FAM120B: variants seen among roughly 807,000 people sequenced by gnomAD.
The protein encoded by FAM120B is family with sequence similarity 120 member B.
In FAM120B, 83 loss-of-function variants were observed where a neutral mutation model predicts 96.3. The observed-to-expected ratio is 0.86, with a 90% CI of 0.72 to 1.03. The LOEUF is 1.03. Ranked by LOEUF, FAM120B falls within the 50% of genes least tolerant of loss-of-function variation. The pLI, the probability that FAM120B is intolerant of heterozygous loss-of-function variation, is 0.00. For missense variants in FAM120B, 1,027 were observed against 1,121.2 expected, an observed-to-expected ratio of 0.92 and a Z score of 1.20; for synonymous variants, 407 against 402.7, an observed-to-expected ratio of 1.01 and a Z score of -0.13.
chr6:170,390,783 T>C (rs1228105244), intron 7 of FAM120B, among the ~76,000 whole-genome samples: 1 of 152,198 alleles, frequency 6.6e-6, no homozygotes, highest in African/African-American at 2.4e-5. Context: ...TTGGTGTTCT[T>C]TTTCTGGGGG....
chr6:170,386,852 C>G (rs1391192025), intron 6 of FAM120B, among the ~76,000 whole-genome samples: 4 of 152,158 alleles, frequency 2.6e-5, no homozygotes, highest in Non-Finnish European at 5.9e-5. Context: ...AAACAAAATA[C>G]TAACAAATCA....
At chr6:170,347,114 C>T (rs1360849212) in intron 4 of FAM120B, among the ~76,000 whole-genome samples, 1 of 152,054 alleles carries the variant, frequency 6.6e-6, no homozygotes, top group African/African-American at 2.4e-5. Context: ...TCAGTGCTAT[C>T]GTGGGAAACA....
chr6:170,314,109 C>T (rs1024362342), intron 1 of FAM120B, among the ~76,000 whole-genome samples: 4 of 152,222 alleles, frequency 2.6e-5, no homozygotes, highest in African/African-American at 9.6e-5. Context: ...TTACTGGTAA[C>T]TCAATACCCT....
Position 170,361,239 on chromosome 6 carries a change from C to T in FAM120B, c.2283+2921C>T, listed in dbSNP as rs1367576524. ...ATATATATATATATATATATATACACGTATATATATATATACGTGTATATA... is the reference window on the plus strand; with the variant it reads ...ATATATATATATATATATATATACATGTATATATATATATACGTGTATATA... On this transcript the variant is annotated intron_variant, in intron 6 of 10. Coordinates refer to ENST00000476287, the MANE Select transcript of FAM120B (RefSeq NM_032448.3). Among the ~76,000 whole-genome samples, 101 of 58,590 alleles carry T rather than the reference C, an allele frequency of 1.7e-3. 2 individuals are homozygous for T. Among genetic ancestry groups the T allele is most frequent in the East Asian group, 0.01 (12 of 1,198 alleles). The allele number at this position is 58,590 out of a possible 152,430, so 38.4% of individuals were successfully genotyped here.
chr6:170,375,202 A>T (rs1789434889), intron 6 of FAM120B, among the ~76,000 whole-genome samples: 1 of 152,238 alleles, frequency 6.6e-6, no homozygotes, highest in Admixed American at 6.5e-5. Context: ...GTGTGTCAGC[A>T]CAGAGTTCCG....
At chr6:170,300,023 G>C (rs1784107089) in intron 1 of FAM120B, among the ~76,000 whole-genome samples, 1 of 152,168 alleles carries the variant, frequency 6.6e-6, no homozygotes, top group African/African-American at 2.4e-5. Context: ...TCTCTATGTA[G>C]AAATCAGTAT....
chr6:170,325,535 T>TAAA (rs5881868), intron 3 of FAM120B, among the ~76,000 whole-genome samples: 5 of 139,182 alleles, frequency 3.6e-5, no homozygotes, highest in Non-Finnish European at 3.1e-5. Context: ...GATTTACCTT[T>TAAA]AAAAAAAAAA....
intron 1 of FAM120B, among the ~76,000 whole-genome samples, chr6:170,296,428 T>C (rs1486682289): frequency 6.6e-6 from 1 of 151,610 alleles, no homozygotes; most frequent in Non-Finnish European, 1.5e-5. Flanking sequence ...CGGCGGGTCA[T>C]CCCTGGGCCA....
At chr6:170,358,121 T>A (rs1267293885) in intron 5 of FAM120B, 105 bp from the exon 6 acceptor site, 1 of 944,692 alleles carries the variant, frequency 1.1e-6, no homozygotes, top group Admixed American at 2.2e-5. Context: ...TGTGTGTGCA[T>A]GTTTGCGCCT....
At chr6:170,302,311 G>A (rs1006026096), upstream of FAM120B, among the ~76,000 whole-genome samples, 3 of 152,132 alleles carry the variant, frequency 2.0e-5, no homozygotes, top group Admixed American at 2.0e-4. Context: ...TCACTATCAA[G>A]AGAACAGCAT....
Position 170,405,515 on chromosome 6 carries a change from C to T in FAM120B, c.*764C>T, listed in dbSNP as rs1000827917. ...ATTCACAATGGCGAGCAAGTTAAAA[C>T]GGATTTCCCATTTAATTTAATTTTC... On this transcript the variant is annotated 3_prime_UTR_variant, in exon 11 of 11. Coordinates refer to ENST00000476287, the MANE Select transcript of FAM120B (RefSeq NM_032448.3). 5 of 152,186 alleles carry T rather than the reference C, an allele frequency of 3.3e-5. No individual in the cohort carries two copies. The highest frequency in any genetic ancestry group is 7.3e-5 in the Non-Finnish European group (5 of 68,032). The allele number at this position is 152,186 out of a possible 1,614,324, so 9.4% of individuals were successfully genotyped here. A position where few individuals can be genotyped will look rare whatever the true frequency, so the allele number is the denominator to read the frequency against.
intron 4 of FAM120B, chr6:170,330,774 G>C (rs533183464): frequency 5.6e-6 from 3 of 539,174 alleles, no homozygotes; most frequent in Admixed American, 3.4e-5. Flanking sequence ...GCGGTGCTCT[G>C]CCTCTTTCTC....
At chr6:170,367,446 CA>C (rs1186902346) in intron 6 of FAM120B, among the ~76,000 whole-genome samples, 1 of 152,264 alleles carries the variant, frequency 6.6e-6, no homozygotes, top group African/African-American at 2.4e-5. Flanking sequence ...CAGTCATTTG[CA>C]GCTGCCTTTG....
chr6:170,311,253 C>T (rs753283455), intron 1 of FAM120B, among the ~76,000 whole-genome samples: 2 of 152,204 alleles, frequency 1.3e-5, no homozygotes, highest in Non-Finnish European at 2.9e-5. Context: ...TTGGGTGAAG[C>T]GTAGACATTT....
At chr6:170,354,768 GAAA>G (rs59093113) in intron 5 of FAM120B, among the ~76,000 whole-genome samples, 1 of 146,904 alleles carries the variant, frequency 6.8e-6, no homozygotes, top group Non-Finnish European at 1.5e-5. Flanking sequence ...CAAAAAAAAA[GAAA>G]AAAAAAAATT....
chr6:170,386,683 C>A (rs541037412), intron 6 of FAM120B, among the ~76,000 whole-genome samples: 7 of 152,204 alleles, frequency 4.6e-5, no homozygotes, highest in Admixed American at 1.3e-4. Flanking sequence ...AAGGAGGAAC[C>A]AGCAGCTGTG....
rs764033288 is a variant in FAM120B, at chr6:170,318,051, G to A, written c.661G>A (p.Asp221Asn). Residue 221 changes from aspartate to asparagine, a missense_variant, in exon 2 of 11, where the codon GAC (aspartate) becomes AAC (asparagine). Around this residue, in one of 3 missense-constraint regions of FAM120B, gnomAD observed 880 missense variants for 980.9 expected, o/e 0.90. Coordinates refer to ENST00000476287, the MANE Select transcript of FAM120B (RefSeq NM_032448.3). Reference protein sequence around the residue: ...LCESLGLCVADLPLLACLLGN... With the variant: ...LCESLGLCVANLPLLACLLGN... ...TGAGAGTCTGGGCCTCTGTGTGGCCGACCTTCCTCTTCTGGCCTGCCTCCT... is the reference window on the plus strand; with the variant it reads ...TGAGAGTCTGGGCCTCTGTGTGGCCAACCTTCCTCTTCTGGCCTGCCTCCT... The A allele has an allele frequency of 1.9e-6, 3 of 1,614,144 alleles. No homozygotes were observed. Among genetic ancestry groups the A allele is most frequent in the East Asian group, 2.2e-5 (1 of 44,876 alleles).
At chr6:170,349,379 T>C (rs535107299) in intron 5 of FAM120B, among the ~76,000 whole-genome samples, 10 of 152,370 alleles carry the variant, frequency 6.6e-5, no homozygotes, top group African/African-American at 2.4e-4. Flanking sequence ...TGAATTTACT[T>C]TACAAATTAT....
Position 170,404,746 on chromosome 6 carries a change from A to T in FAM120B, c.*12-17A>T. The T allele has an allele frequency of 1.5e-6, 1 of 663,076 alleles. No homozygotes were observed. Among genetic ancestry groups the T allele is most frequent in the African/African-American group, 1.8e-5 (1 of 55,142 alleles). The allele number at this position is 663,076 out of a possible 1,614,324, so 41.1% of individuals were successfully genotyped here. A position where few individuals can be genotyped will look rare whatever the true frequency, so the allele number is the denominator to read the frequency against. ...TGCCGAGTTAACTTGGTTTCAAAAC[A>T]CTCTTGCTTCCTCCAGAAAGAGTAT... On this transcript the variant is annotated splice_polypyrimidine_tract_variant and intron_variant, in intron 10 of 10. Transcript: ENST00000476287.
Sources: allele counts gnomAD v4.1 joint callset (sites outside exome capture counted in the v4.1 genomes callset), GRCh38; gene constraint gnomAD v4.1.1; regional missense constraint gnomAD v4.1.1; transcripts MANE v1.5; gene names NCBI Gene and HGNC (gene_info 2026-07-23, HGNC 2026-07-21).